Variants in ST6GAL1 observed in about 807,000 individuals in gnomAD.
ST6GAL1 encodes the protein ST6 beta-galactoside alpha-2,6-sialyltransferase 1, also known as beta-galactoside alpha-2,6-sialyltransferase 1.
A neutral mutation model predicts 38.0 loss-of-function variants in ST6GAL1; 20 were observed. The ratio of observed to expected loss-of-function variants is 0.53; its 90% CI spans 0.37 to 0.77. The LOEUF is 0.77. Among genes scored for constraint, ST6GAL1 ranks in the 30% least tolerant of loss-of-function variants. The probability of loss-of-function intolerance (pLI) is 0.00; values close to 1 mark genes in which losing one functional copy is unlikely to be tolerated. For missense variants in ST6GAL1, 432 were observed against 496.4 expected, an observed-to-expected ratio of 0.87 and a Z score of 1.23; for synonymous variants, 196 against 188.2, an observed-to-expected ratio of 1.04 and a Z score of -0.34.
chr3:186,961,734 T>A (rs1714942261), intron 1 of ST6GAL1, among the ~76,000 whole-genome samples: 1 of 152,058 alleles, frequency 6.6e-6, no homozygotes, highest in Non-Finnish European at 1.5e-5. Flanking sequence ...AGAAACCTAG[T>A]TATCTGTGTA....
Position 187,076,210 on chromosome 3 carries a change from C to T in ST6GAL1, c.*407C>T, listed in dbSNP as rs539177063. On this transcript the variant is annotated 3_prime_UTR_variant, in exon 8 of 8. Coordinates refer to ENST00000169298, the MANE Select transcript of ST6GAL1 (RefSeq NM_173216.2). The stretch of plus-strand genomic sequence containing the variant: ...AGTCTGCATCTAAATATTGATTTCA[C>T]GTTTTAAAGAAATTCTCTTAAATTA... The T allele has an allele frequency of 5.6e-5, 10 of 178,308 alleles. No homozygotes were observed. Among genetic ancestry groups the T allele is most frequent in the South Asian group, 1.5e-4 (1 of 6,872 alleles). 11.0% of individuals were successfully genotyped at this position (178,308 alleles called of 1,614,324 possible).
At chr3:187,046,327 A>G (rs1718295441) in intron 4 of ST6GAL1, among the ~76,000 whole-genome samples, 1 of 152,202 alleles carries the variant, frequency 6.6e-6, no homozygotes. Context: ...TTCCAGAGGA[A>G]CGCAGATTCC....
At chr3:187,072,827 G>C in intron 5 of ST6GAL1, 22 bp from the exon 6 acceptor site, 1 of 1,601,574 alleles carries the variant, frequency 6.2e-7, no homozygotes, top group Non-Finnish European at 8.6e-7. Flanking sequence ...TCAAGCGACA[G>C]CTTATCTCTT....
chr3:186,986,497 A>G (rs1006893061), intron 2 of ST6GAL1: 3 of 152,892 alleles, frequency 2.0e-5, no homozygotes, highest in African/African-American at 4.8e-5. Flanking sequence ...AAATAACAAG[A>G]ATGTCCAATG....
At chr3:187,072,732 G>C in intron 5 of ST6GAL1, 117 bp from the exon 6 acceptor site, 1 of 865,642 alleles carries the variant, frequency 1.2e-6, no homozygotes, top group Non-Finnish European at 2.0e-6. Flanking sequence ...CCAGAACTTA[G>C]AAGCCTCATG....
chr3:187,047,845 T>A (rs898314082), intron 4 of ST6GAL1, among the ~76,000 whole-genome samples: 21 of 152,166 alleles, frequency 1.4e-4, no homozygotes, highest in African/African-American at 5.1e-4. Flanking sequence ...CATGTGATAT[T>A]TTGGTACATG....
chr3:187,005,223 G>T (rs1015656568), intron 2 of ST6GAL1, among the ~76,000 whole-genome samples: 3 of 151,504 alleles, frequency 2.0e-5, no homozygotes, highest in Non-Finnish European at 2.9e-5. Context: ...ACTGGTCATG[G>T]GTCTGTGGGG....
chr3:186,971,865 G>A (rs1192785464), intron 2 of ST6GAL1, among the ~76,000 whole-genome samples: 2 of 152,326 alleles, frequency 1.3e-5, no homozygotes, highest in East Asian at 1.9e-4. Context: ...GGCCCAGGAG[G>A]ACTGTTTTCT....
chr3:187,062,604 A>ACACACACG (rs1206173758), intron 5 of ST6GAL1, among the ~76,000 whole-genome samples: 2 of 150,896 alleles, frequency 1.3e-5, no homozygotes, highest in East Asian at 3.9e-4. Context: ...ACACACACAC[A>ACACACACG]CAAAATACTA....
At chr3:187,066,591 TGCGTGC>T (rs1675267318) in intron 5 of ST6GAL1, among the ~76,000 whole-genome samples, 1 of 122,216 alleles carries the variant, frequency 8.2e-6, no homozygotes, top group African/African-American at 3.0e-5. Context: ...TCTGAAGATG[TGCGTGC>T]GTGCGTGTGT....
Position 187,070,135 on chromosome 3 carries a change from C to T in ST6GAL1, c.706-2714C>T, listed in dbSNP as rs1196628512. 2.0e-5 allele frequency among the ~76,000 whole-genome samples: 3 copies of T among 152,296 alleles called. No individual in the cohort carries two copies. In the East Asian group the frequency reaches 5.8e-4, roughly 29 times the overall value. ...AGTTCCTGGAAGCCACACTTGCTTA[C>T]ATTCCATTGGCCAGAATTAGTCACC... is the stretch of plus-strand genomic sequence containing the variant. On this transcript the variant is annotated intron_variant, in intron 5 of 7. Coordinates refer to ENST00000169298, the MANE Select transcript of ST6GAL1 (RefSeq NM_173216.2).
chr3:186,947,363 C>T (rs768329765), intron 1 of ST6GAL1, among the ~76,000 whole-genome samples: 11 of 152,114 alleles, frequency 7.2e-5, no homozygotes, highest in Non-Finnish European at 1.5e-4. Context: ...TGCCCAGAGG[C>T]GCATGGTGGT....
chr3:186,965,948 C>T (rs1358356627), intron 2 of ST6GAL1, among the ~76,000 whole-genome samples: 1 of 152,164 alleles, frequency 6.6e-6, no homozygotes, highest in Non-Finnish European at 1.5e-5. Context: ...GCGCAGGCTG[C>T]AGTACAGTGG....
intron 1 of ST6GAL1, among the ~76,000 whole-genome samples, chr3:186,935,092 A>G (rs1210708905): frequency 2.6e-5 from 4 of 152,042 alleles, no homozygotes; most frequent in African/African-American, 9.7e-5. Flanking sequence ...TGTACAGAGT[A>G]TTTAGTCACT....
At chr3:186,994,088 AAGCCTAGTAC>A (rs1198539492) in intron 2 of ST6GAL1, among the ~76,000 whole-genome samples, 1 of 152,236 alleles carries the variant, frequency 6.6e-6, no homozygotes, top group African/African-American at 2.4e-5. Flanking sequence ...CAACTAGTAG[AAGCCTAGTAC>A]AGCTTCACCT....
At chr3:187,054,286 T>A (rs1718615599) in intron 5 of ST6GAL1, among the ~76,000 whole-genome samples, 1 of 152,290 alleles carries the variant, frequency 6.6e-6, no homozygotes, top group African/African-American at 2.4e-5. Flanking sequence ...TTGAATACCC[T>A]TTATTTCTTT....
At chr3:186,950,998 ACCTACT>A (rs1714556346) in intron 1 of ST6GAL1, among the ~76,000 whole-genome samples, 1 of 152,180 alleles carries the variant, frequency 6.6e-6, no homozygotes, top group Non-Finnish European at 1.5e-5. Context: ...TGAACACCAT[ACCTACT>A]CCACAAATCT....
chr3:186,995,117 G>A (rs1716320235), intron 2 of ST6GAL1, among the ~76,000 whole-genome samples: 1 of 152,124 alleles, frequency 6.6e-6, no homozygotes, highest in South Asian at 2.1e-4. Flanking sequence ...TTGAGTGTAT[G>A]TATATAGATA....
intron 1 of ST6GAL1, among the ~76,000 whole-genome samples, chr3:186,935,566 A>G (rs1367607235): frequency 1.3e-5 from 2 of 152,160 alleles, no homozygotes; most frequent in Non-Finnish European, 1.5e-5. Flanking sequence ...TAGTTTTTCG[A>G]GCAATCCCCA....
Sources: allele counts gnomAD v4.1 joint callset (sites outside exome capture counted in the v4.1 genomes callset), GRCh38; gene constraint gnomAD v4.1.1; transcripts MANE v1.5; gene names NCBI Gene and HGNC (gene_info 2026-07-23, HGNC 2026-07-21).